The following EXOC4 variants were observed in gnomAD, a reference collection of about 807,000 sequenced individuals.
The protein encoded by EXOC4 is SEC8-like 1.
Under a neutral mutation model 107.2 loss-of-function variants are expected in EXOC4, and 71 were observed. That is an observed-to-expected ratio of 0.66 (90% CI 0.55 to 0.81). The LOEUF (loss-of-function observed/expected upper bound fraction) is 0.81. Among genes scored for constraint, EXOC4 ranks in the 30% least tolerant of loss-of-function variants. EXOC4 has a pLI of 0.00. For synonymous variants in EXOC4, 456 were observed against 441.2 expected (o/e 1.03, Z -0.42); for missense variants, 1,108 against 1,189.6 (o/e 0.93, Z 1.01).
At chr7:133,611,564 CCTT>C in intron 9 of EXOC4, among the ~76,000 whole-genome samples, 1 of 152,088 alleles carries the variant, frequency 6.6e-6, no homozygotes, top group East Asian at 1.9e-4. Context: ...TGCCTACCTC[CCTT>C]CTTCATTTAT....
intron 9 of EXOC4, among the ~76,000 whole-genome samples, chr7:133,529,838 G>T (rs1172688383): frequency 6.6e-6 from 1 of 152,100 alleles, no homozygotes; most frequent in East Asian, 1.9e-4. Context: ...TCTATTCGGA[G>T]AGTTATTCAG....
At chr7:133,642,383 C>T (rs149333334) in intron 10 of EXOC4, among the ~76,000 whole-genome samples, 1 of 152,240 alleles carries the variant, frequency 6.6e-6, no homozygotes. Context: ...TCTTTTCATG[C>T]CATTTCTTTT....
At chr7:133,747,362 C>T (rs1287106539) in intron 10 of EXOC4, among the ~76,000 whole-genome samples, 1 of 152,054 alleles carries the variant, frequency 6.6e-6, no homozygotes, top group Non-Finnish European at 1.5e-5. Context: ...CAACTGTACG[C>T]TGAGTAGAAG....
intron 7 of EXOC4, among the ~76,000 whole-genome samples, chr7:133,385,110 T>C (rs535467932): frequency 7.2e-5 from 11 of 152,336 alleles, no homozygotes; most frequent in African/African-American, 1.9e-4. Flanking sequence ...ACTTCATACA[T>C]GATTGCTAGC....
intron 11 of EXOC4, among the ~76,000 whole-genome samples, chr7:133,870,832 T>C (rs747448436): frequency 6.6e-6 from 1 of 152,228 alleles, no homozygotes; most frequent in Non-Finnish European, 1.5e-5. Flanking sequence ...TATTCGGTTT[T>C]TCATAAGCTC....
chr7:133,986,675 A>G (rs1308984118), intron 14 of EXOC4, among the ~76,000 whole-genome samples: 1 of 152,234 alleles, frequency 6.6e-6, no homozygotes, highest in African/African-American at 2.4e-5. Context: ...TATTTCTTAA[A>G]CATGTATTTA....
intron 9 of EXOC4, among the ~76,000 whole-genome samples, chr7:133,576,268 A>AT (rs1458646940): frequency 6.6e-6 from 1 of 152,076 alleles, no homozygotes; most frequent in African/African-American, 2.4e-5. Flanking sequence ...TAAAAGATTT[A>AT]TTTTTTGCCT....
chr7:133,825,628 C>T (rs1797684216), intron 11 of EXOC4, among the ~76,000 whole-genome samples: 1 of 152,166 alleles, frequency 6.6e-6, no homozygotes, highest in African/African-American at 2.4e-5. Flanking sequence ...GGAAGTGTGG[C>T]CAGCAGCAGT....
chr7:133,668,106 G>A (rs1793858851), intron 10 of EXOC4, among the ~76,000 whole-genome samples: 1 of 152,096 alleles, frequency 6.6e-6, no homozygotes, highest in Non-Finnish European at 1.5e-5. Context: ...GTTAAAATCT[G>A]ATACACTACA....
intron 9 of EXOC4, among the ~76,000 whole-genome samples, chr7:133,600,385 G>A (rs1048378207): frequency 1.3e-5 from 2 of 152,082 alleles, no homozygotes; most frequent in Non-Finnish European, 2.9e-5. Flanking sequence ...GAATATAATT[G>A]CAAAGGCAAT....
At chr7:133,406,403 A>C (rs1469406348) in intron 7 of EXOC4, among the ~76,000 whole-genome samples, 2 of 152,200 alleles carry the variant, frequency 1.3e-5, no homozygotes, top group Non-Finnish European at 2.9e-5. Context: ...GTTGGGGATG[A>C]GCACAACCTA....
At chr7:133,936,638 T>A (rs187141053) in intron 13 of EXOC4, among the ~76,000 whole-genome samples, 52 of 152,230 alleles carry the variant, frequency 3.4e-4, no homozygotes, top group Non-Finnish European at 5.7e-4. Flanking sequence ...TTCTCAGTCA[T>A]CTTTTTTGTT....
chr7:133,386,299 G>A (rs1164869104), intron 7 of EXOC4, among the ~76,000 whole-genome samples: 1 of 152,178 alleles, frequency 6.6e-6, no homozygotes, highest in Admixed American at 6.5e-5. Flanking sequence ...GGCTATTCCA[G>A]TGGTCACTGG....
chr7:133,535,001 G>A (rs1037224750), intron 9 of EXOC4, among the ~76,000 whole-genome samples: 7 of 152,124 alleles, frequency 4.6e-5, no homozygotes, highest in Non-Finnish European at 2.9e-5. Context: ...ACTTAAAAGG[G>A]CATGAGAGTC....
chr7:133,619,768 A>G (rs1449093509), intron 9 of EXOC4, among the ~76,000 whole-genome samples: 1 of 152,220 alleles, frequency 6.6e-6, no homozygotes, highest in Non-Finnish European at 1.5e-5. Context: ...GACACTTAGT[A>G]CAAAGAATGC....
At chr7:133,557,513 C>T (rs1249401942) in intron 9 of EXOC4, among the ~76,000 whole-genome samples, 2 of 152,084 alleles carry the variant, frequency 1.3e-5, no homozygotes, top group Admixed American at 6.5e-5. Flanking sequence ...TTCTCATGAA[C>T]TTCAAATTAT....
Position 133,857,531 on chromosome 7 carries a change from G to A in EXOC4, c.1735-38068G>A, listed in dbSNP as rs899031218. 2.8e-4 allele frequency among the ~76,000 whole-genome samples: 42 copies of A among 148,332 alleles called. No homozygotes were observed. The East Asian group carries it at 3.1e-3, about 11-fold the overall frequency. ...CCTGGGCTGCCAGGCTGTGCTGCTC[G>A]GCTCATGCTACAGACCCAGACCCAT... On this transcript the variant is annotated intron_variant, in intron 11 of 17. Coordinates refer to ENST00000253861, the MANE Select transcript of EXOC4 (RefSeq NM_021807.4).
intron 9 of EXOC4, among the ~76,000 whole-genome samples, chr7:133,511,805 T>G (rs1471117134): frequency 6.7e-6 from 1 of 149,916 alleles, no homozygotes; most frequent in African/African-American, 2.5e-5. Context: ...TCTTACTTTT[T>G]GGGGTGACAT....
intron 9 of EXOC4, chr7:133,484,108 T>C: frequency 1.9e-6 from 3 of 1,612,900 alleles, no homozygotes. Flanking sequence ...TTTACAAAAG[T>C]TAAGTTCCTG....
Sources: gnomAD v4.1 joint callset for allele counts (sites outside exome capture counted in the v4.1 genomes callset) on GRCh38, gnomAD v4.1.1 for gene constraint, MANE v1.5 for transcripts, NCBI Gene and HGNC (gene_info 2026-07-23, HGNC 2026-07-21) for gene names.